The following GAK variants were observed in gnomAD, a reference collection of about 807,000 sequenced individuals.
The protein encoded by GAK is cyclin-G-associated kinase.
Under a neutral mutation model 143.9 loss-of-function variants are expected in GAK, and 79 were observed. The ratio of observed to expected loss-of-function variants is 0.55; its 90% CI spans 0.46 to 0.66. GAK has a LOEUF of 0.66. Ranked by LOEUF, GAK falls within the 30% of genes least tolerant of loss-of-function variation. The probability of loss-of-function intolerance (pLI) is 0.00; values close to 1 mark genes in which losing one functional copy is unlikely to be tolerated. For missense variants in GAK, 1,693 were observed against 1,779.7 expected (o/e 0.95, Z 0.88); for synonymous variants, 881 against 765.5 (o/e 1.15, Z -2.49).
In GAK at chr4:868,569, T is replaced by G. The variant is rs1229179751; in HGVS notation, c.2365A>C (p.Ser789Arg). Residue 789 changes from serine (S) to arginine (R), a missense_variant, in exon 20 of 28, where the codon AGT (serine) becomes CGT (arginine). Physicochemically the swap from Ser to Arg is moderately radical, Grantham distance 110. Coordinates refer to ENST00000314167, the MANE Select transcript of GAK (RefSeq NM_005255.4). ...CAGTCCAGCGTGTGCAGGAAGCGAC[T>G]GGCGTCCGCGCTGCTGCTTGGCGGT... ...DSPPSSSADA[S>R]RFLHTLDWQE... The G allele has an allele frequency of 6.8e-6, 11 of 1,607,736 alleles. No individual in the cohort carries two copies. Among genetic ancestry groups the G allele is most frequent in the Non-Finnish European group, 9.3e-6 (11 of 1,177,816 alleles).
rs565696137 is a variant in GAK, at chr4:866,456, A to G, written c.2951T>C (p.Phe984Ser). The G allele has an allele frequency of 3.7e-6, 6 of 1,614,120 alleles. No homozygotes were observed. Among genetic ancestry groups the G allele is most frequent in the Admixed American group, 1.7e-5 (1 of 60,024 alleles). The change falls in exon 22 of 28, where the codon TTT (phenylalanine) becomes TCT (serine). Residue 984 changes from phenylalanine to serine, a missense_variant. By Grantham distance (155) the Phe-to-Ser change is radical (BLOSUM62 -2). This residue lies in a region of GAK where 822 missense variants were observed against 788.7 expected (regional missense o/e 1.04). Transcript: ENST00000314167. ...PCSNPDLFGE[F>S]LNSDSVTVPP... ...GACGGTCACAGAGTCCGAATTGAGA[A>G]ATTCGCCGAAGAGATCAGGATTGGA... is the stretch of plus-strand genomic sequence containing the variant.
chr4:865,349 G>C, intron 22 of GAK, 105 bp from the exon 23 acceptor site: 1 of 1,437,058 alleles, frequency 7.0e-7, no homozygotes, highest in Non-Finnish European at 9.6e-7. Context: ...GACACCTCTT[G>C]CACCCAGGCT....
chr4:915,677 T>G (rs1722995468), intron 1 of GAK: 1 of 152,144 alleles, frequency 6.6e-6, no homozygotes, highest in Non-Finnish European at 1.5e-5. Flanking sequence ...ATCATGAAAT[T>G]TAAAACTCTC....
In GAK at chr4:932,024, T is replaced by C. The variant is rs779897520; in HGVS notation, c.145+19A>G. 3.9e-6 allele frequency: 6 copies of C among 1,544,814 alleles called. No homozygotes were observed. The East Asian group carries it at 1.4e-4, about 36-fold the overall frequency. On this transcript the variant is annotated intron_variant, in intron 1 of 27. Coordinates refer to ENST00000314167, the MANE Select transcript of GAK (RefSeq NM_005255.4). The surrounding 1 kb of genome is among the most constrained non-coding windows in gnomAD (Gnocchi z 4.0). ...CAACACTCCGCGGCCGCACCCGCGC[T>C]GCCGACCCGGGGCCTCACCTTCGGC...
chr4:910,719 T>G (rs1721897773), intron 4 of GAK, among the ~76,000 whole-genome samples: 1 of 151,446 alleles, frequency 6.6e-6, no homozygotes, highest in Non-Finnish European at 1.5e-5. Flanking sequence ...CCCCTGCTGC[T>G]CCCGGCCTCT....
rs370247250 is a variant in GAK at position 884,014 on chromosome 4, A to G, written c.1255+23T>C. ...ACAGGGAAGGGCCGGGGCGCGTCCCACAGCCTCATGTGGCACGCATACCTG... is the reference window on the plus strand; with the variant it reads ...ACAGGGAAGGGCCGGGGCGCGTCCCGCAGCCTCATGTGGCACGCATACCTG... On this transcript the variant is annotated intron_variant, in intron 12 of 27. Transcript: ENST00000314167. 77 of 1,611,396 alleles carry G rather than the reference A, an allele frequency of 4.8e-5. No individual in the cohort carries two copies. In the African/African-American group the frequency reaches 9.7e-4, roughly 20 times the overall value.
intron 23 of GAK, among the ~76,000 whole-genome samples, chr4:864,390 C>CA (rs1401841499): frequency 1.3e-5 from 2 of 152,078 alleles, no homozygotes; most frequent in African/African-American, 2.4e-5. Flanking sequence ...AAACCCCACA[C>CA]AAAAAACCCC....
At chr4:919,281 G>A (rs368519237) in intron 1 of GAK, among the ~76,000 whole-genome samples, 13 of 64,044 alleles carry the variant, frequency 2.0e-4, no homozygotes, top group African/African-American at 3.7e-4. Flanking sequence ...CCTCAGTGCC[G>A]CATGACCTTA....
intron 1 of GAK, among the ~76,000 whole-genome samples, chr4:924,057 T>C (rs1191155058): frequency 6.6e-6 from 1 of 151,626 alleles, no homozygotes; most frequent in Non-Finnish European, 1.5e-5. Context: ...TGGTGGTGCA[T>C]GCCTTTAATC....
rs1288267361 is a variant in GAK at position 877,767 on chromosome 4, G to T, written c.1704C>A (p.Ile568=). The change falls in exon 16 of 28, where the codon ATC becomes ATA. Residue 568 remains isoleucine, a synonymous_variant. Transcript: ENST00000314167. ...YMCDMVAEEP[I]TPHSKPILVR... The stretch of plus-strand genomic sequence containing the variant: ...CCAGGATGGGCTTGCTGTGGGGTGT[G>T]ATGGGCTCCTCCGCCACCATGTCAC... 2 of 1,611,538 alleles carry T rather than the reference G, an allele frequency of 1.2e-6. No homozygotes were observed. The highest frequency in any genetic ancestry group is 2.7e-5 in the African/African-American group (2 of 74,866).
chr4:856,850 A>C (rs1410805641), intron 24 of GAK, among the ~76,000 whole-genome samples: 2 of 152,220 alleles, frequency 1.3e-5, no homozygotes, highest in African/African-American at 4.8e-5. Flanking sequence ...CACTGGGGTT[A>C]CGGTGTGAGC....
At chr4:850,853 C>A in intron 26 of GAK, 83 bp downstream of exon 26, 2 of 1,466,594 alleles carry the variant, frequency 1.4e-6, no homozygotes. Context: ...CTGGAGACGC[C>A]GGCTCCATAA....
chr4:849,467 G>A lies in GAK; in HGVS notation c.*206C>T, dbSNP rs531102209. 39 of 574,142 alleles carry A rather than the reference G, an allele frequency of 6.8e-5. No homozygotes were observed. The highest frequency in any genetic ancestry group is 8.8e-5 in the Non-Finnish European group (28 of 318,742). The allele number at this position is 574,142 out of a possible 1,614,324, so 35.6% of individuals were successfully genotyped here. On this transcript the variant is annotated 3_prime_UTR_variant, in exon 28 of 28. Coordinates refer to ENST00000314167, the MANE Select transcript of GAK (RefSeq NM_005255.4). ...AGGAGCATGAATCAGCTGTTCCTTC[G>A]GGAGGAGAAAAAGGAAACAACAATC...
intron 4 of GAK, 136 bp downstream of exon 4, chr4:911,537 C>T (rs577387674): frequency 1.5e-5 from 9 of 596,020 alleles, no homozygotes; most frequent in Non-Finnish European, 2.7e-5. Flanking sequence ...GAGAGCTGCC[C>T]GCGCTTCCCG....
chr4:926,043 C>G (rs1255723464), intron 1 of GAK, among the ~76,000 whole-genome samples: 1 of 151,838 alleles, frequency 6.6e-6, no homozygotes, highest in Non-Finnish European at 1.5e-5. Flanking sequence ...CCCCGAACGT[C>G]TAATTCACCC....
chr4:871,053 G>A (rs903450989), intron 18 of GAK, 149 bp from the exon 19 acceptor site: 13 of 681,942 alleles, frequency 1.9e-5, no homozygotes, highest in African/African-American at 7.3e-5. Flanking sequence ...CCCCGCCTGC[G>A]GAAGCTGGAG....
At chr4:915,320 C>G (rs577496955) in intron 1 of GAK, among the ~76,000 whole-genome samples, 14 of 152,302 alleles carry the variant, frequency 9.2e-5, no homozygotes, top group African/African-American at 3.4e-4. Context: ...AACCTAAGAA[C>G]AGAGGTCAAT....
rs182242361 is a variant in GAK, at chr4:905,910, C to A, written c.383-1131G>T. 5.3e-4 allele frequency among the ~76,000 whole-genome samples: 80 copies of A among 152,374 alleles called. 2 individuals are homozygous for A. Among genetic ancestry groups the A allele is most frequent in the African/African-American group, 1.8e-3 (73 of 41,596 alleles). On this transcript the variant is annotated intron_variant, in intron 4 of 27. Transcript: ENST00000314167. Reference sequence around the variant, plus strand: ...CCCACCTCAGCCCCGTGTGTGGGACCACCACCCAGTGGCAGGGGTGGGCTC... The same window carrying A: ...CCCACCTCAGCCCCGTGTGTGGGACAACCACCCAGTGGCAGGGGTGGGCTC...
intron 24 of GAK, 150 bp from the exon 25 acceptor site, chr4:852,124 A>C: frequency 1.4e-6 from 1 of 715,088 alleles, no homozygotes. Flanking sequence ...TGCCGGCTCC[A>C]CCCACACGTG....
Sources: gnomAD v4.1 joint callset for allele counts (sites outside exome capture counted in the v4.1 genomes callset) on GRCh38, gnomAD v4.1.1 for gene constraint, gnomAD v4.1.1 regional missense constraint, Gnocchi (gnomAD v3.1) non-coding constraint, MANE v1.5 for transcripts, NCBI Gene and HGNC (gene_info 2026-07-23, HGNC 2026-07-21) for gene names.